GALNT3: variants seen among roughly 807,000 people sequenced by gnomAD.
GALNT3 encodes the protein GalNAc transferase 3.
A neutral mutation model predicts 69.8 loss-of-function variants in GALNT3; 51 were observed. That is an observed-to-expected ratio of 0.73 (90% CI 0.58 to 0.92). The LOEUF is 0.92. GALNT3 is among the 40% of genes least tolerant of loss of function. The probability of loss-of-function intolerance (pLI) is 0.00; values close to 1 mark genes in which losing one functional copy is unlikely to be tolerated. For missense variants in GALNT3, 711 were observed against 760.0 expected, an observed-to-expected ratio of 0.94 and a Z score of 0.76; for synonymous variants, 265 against 248.5, an observed-to-expected ratio of 1.07 and a Z score of -0.63.
Position 165,748,873 on chromosome 2 carries a change from T to C in GALNT3, c.1810A>G (p.Met604Val), listed in dbSNP as rs1250002728. 1 of 1,610,736 alleles carries C rather than the reference T, an allele frequency of 6.2e-7. No homozygotes were observed. The highest frequency in any genetic ancestry group is 8.5e-7 in the Non-Finnish European group (1 of 1,177,736). The change falls in exon 11 of 11, where the codon ATG becomes GTG. Residue 604 changes from methionine to valine, a missense_variant. Transcript: ENST00000392701. ...DQLLYNPFLK[M>V]CLSANGEHPS... ...TGCTCTCCATTTGCTGAAAGGCACATTTTTAAGAATGGATTGTATAGAAGT... is the reference window on the plus strand; with the variant it reads ...TGCTCTCCATTTGCTGAAAGGCACACTTTTAAGAATGGATTGTATAGAAGT...
intron 9 of GALNT3, 26 bp from the exon 10 acceptor site, chr2:165,749,920 G>C: frequency 6.2e-7 from 1 of 1,611,604 alleles, no homozygotes; most frequent in Non-Finnish European, 8.5e-7. Flanking sequence ...CACTGTTACT[G>C]ACAAAAGCAA....
chr2:165,770,440 C>T lies in GALNT3; in HGVS notation c.261G>A (p.Arg87=), dbSNP rs1688730412. The T allele has an allele frequency of 6.2e-7, 1 of 1,614,036 alleles. No homozygotes were observed. The highest frequency in any genetic ancestry group is 1.3e-5 in the African/African-American group (1 of 74,900). The part of the protein sequence containing the change: ...MPKMQIGAPV[R]QNIDAGERPC... Reference sequence around the variant, plus strand: ...GTCTCTCACCAGCATCAATGTTTTGCCTGACAGGTGCTCCTATTTGCATTT... The same window carrying T: ...GTCTCTCACCAGCATCAATGTTTTGTCTGACAGGTGCTCCTATTTGCATTT... Residue 87 remains arginine (R), a synonymous_variant, in exon 2 of 11, where the codon AGG becomes AGA. Coordinates refer to ENST00000392701, the MANE Select transcript of GALNT3 (RefSeq NM_004482.4).
rs150039125 is a variant in GALNT3, at chr2:165,747,889, C to A, written c.*892G>T. ...TGATGAAAAGAATCCATTACAAAGT[C>A]AAAAATCCATTACAATTATAATTGA... On this transcript the variant is annotated 3_prime_UTR_variant, in exon 11 of 11. Transcript: ENST00000392701. The A allele has an allele frequency of 5.8e-6, 1 of 172,990 alleles. No individual in the cohort carries two copies. The highest frequency in any genetic ancestry group is 2.4e-5 in the African/African-American group (1 of 42,174). The allele number at this position is 172,990 out of a possible 1,614,324, so 10.7% of individuals were successfully genotyped here.
At chr2:165,777,404 T>C (rs1026994809) in intron 1 of GALNT3, among the ~76,000 whole-genome samples, 1 of 152,228 alleles carries the variant, frequency 6.6e-6, no homozygotes, top group African/African-American at 2.4e-5. Context: ...ATCATCTGTA[T>C]TTCCTAATTG....
rs115946445 is a variant in GALNT3 at position 165,760,722 on chromosome 2, G to A, written c.839-1152C>T. 2.3e-3 allele frequency among the ~76,000 whole-genome samples: 350 copies of A among 152,166 alleles called. 3 individuals are homozygous for A. Among genetic ancestry groups the A allele is most frequent in the African/African-American group, 8.1e-3 (335 of 41,506 alleles). ...ATCCAAAAGCCCTTCTGTAATAATCGGTGTGTGCTCAAAACTAGTAATTGG... is the reference window on the plus strand; with the variant it reads ...ATCCAAAAGCCCTTCTGTAATAATCAGTGTGTGCTCAAAACTAGTAATTGG... On this transcript the variant is annotated intron_variant, in intron 4 of 10. Transcript: ENST00000392701.
At position 165,764,996 on chromosome 2, in the gene GALNT3, A is replaced by C; in HGVS notation, c.576T>G (p.Val192=). The change falls in exon 3 of 11, where the codon GTT becomes GTG. Residue 192 remains valine (V), a synonymous_variant. Transcript: ENST00000392701. Reference sequence around the variant, plus strand: ...ACGTGGACCACGCTTCATTATGAAAAACTATTATGACACTGGTGGTGGGCA... The same window carrying C: ...ACGTGGACCACGCTTCATTATGAAACACTATTATGACACTGGTGGTGGGCA... ...PPLPTTSVII[V]FHNEAWSTLL... 2 of 1,614,182 alleles carry C rather than the reference A, an allele frequency of 1.2e-6. No homozygotes were observed. Among genetic ancestry groups the C allele is most frequent in the Non-Finnish European group, 1.7e-6 (2 of 1,180,016 alleles).
intron 2 of GALNT3, among the ~76,000 whole-genome samples, chr2:165,767,924 A>G (rs1442390827): frequency 8.2e-6 from 1 of 122,274 alleles, no homozygotes; most frequent in Non-Finnish European, 1.6e-5. Flanking sequence ...ACCAGGCTGG[A>G]GTGCAATGGT....
intron 1 of GALNT3, among the ~76,000 whole-genome samples, chr2:165,783,381 C>T (rs1683152949): frequency 6.6e-6 from 1 of 152,140 alleles, no homozygotes; most frequent in Non-Finnish European, 1.5e-5. Context: ...TCCATTCATT[C>T]TTCCTTTGAG....
chr2:165,753,969 TCAC>T (rs915385162), intron 9 of GALNT3, among the ~76,000 whole-genome samples: 2 of 152,110 alleles, frequency 1.3e-5, no homozygotes, highest in African/African-American at 4.8e-5. Context: ...ACTTGCAAAA[TCAC>T]CATGCCAATA....
chr2:165,751,317 AT>A (rs1158054718), intron 9 of GALNT3, among the ~76,000 whole-genome samples: 1 of 152,122 alleles, frequency 6.6e-6, no homozygotes, highest in African/African-American at 2.4e-5. Flanking sequence ...AGAGCCATAT[AT>A]CTTGAGTTTC....
chr2:165,772,924 A>G (rs1688778800), intron 1 of GALNT3, among the ~76,000 whole-genome samples: 1 of 152,308 alleles, frequency 6.6e-6, no homozygotes, highest in South Asian at 2.1e-4. Flanking sequence ...TGGAATGGAG[A>G]GGACTGTTTT....
At chr2:165,759,664 CAG>C (rs1573999880) in intron 4 of GALNT3, 94 bp from the exon 5 acceptor site, 1 of 892,298 alleles carries the variant, frequency 1.1e-6, no homozygotes, top group East Asian at 2.6e-5. Flanking sequence ...ATGAGAATAA[CAG>C]AGTCAATTTG....
rs1223232344 is a variant in GALNT3, at chr2:165,749,888, CA to C, written c.1632del (p.Phe544LeufsTer28). ...TCHGLGGNQY[F>X]EYSAQHEIRH... Reference sequence around the variant, plus strand: ...CGAATTTCATGTTGAGCAGAGTATTCAAAGTACTATGGAAGGAATAGCACTG... The same window carrying C: ...CGAATTTCATGTTGAGCAGAGTATTCAAGTACTATGGAAGGAATAGCACTG... On this transcript the variant is annotated frameshift_variant, in exon 10 of 11. Coordinates refer to ENST00000392701, the MANE Select transcript of GALNT3 (RefSeq NM_004482.4). LOFTEE classifies it high-confidence loss of function. The C allele has an allele frequency of 6.2e-7, 1 of 1,613,398 alleles. No homozygotes were observed. Among genetic ancestry groups the C allele is most frequent in the South Asian group, 1.1e-5 (1 of 91,058 alleles).
chr2:165,753,556 T>A (rs1409766449), intron 9 of GALNT3, among the ~76,000 whole-genome samples: 2 of 152,104 alleles, frequency 1.3e-5, no homozygotes, highest in Non-Finnish European at 2.9e-5. Flanking sequence ...GGAGTTAGAG[T>A]CTAAATAGCT....
Position 165,782,257 on chromosome 2 carries a change from C to T in GALNT3, c.-108-11449G>A, listed in dbSNP as rs1365583062. 2.0e-5 allele frequency among the ~76,000 whole-genome samples: 3 copies of T among 152,208 alleles called. No homozygotes were observed. The East Asian group carries it at 5.8e-4, about 29-fold the overall frequency. On this transcript the variant is annotated intron_variant, in intron 1 of 10. Transcript: ENST00000392701. ...TACTCAGCTCTCCTATCACATGGTCCTCTCTCTATGGGTTAGCAGGGGTGT... is the reference window on the plus strand; with the variant it reads ...TACTCAGCTCTCCTATCACATGGTCTTCTCTCTATGGGTTAGCAGGGGTGT...
Position 165,770,684 on chromosome 2 carries a change from C to A in GALNT3, c.17G>T (p.Arg6Leu). The A allele has an allele frequency of 6.2e-7, 1 of 1,603,632 alleles. No individual in the cohort carries two copies. Among genetic ancestry groups the A allele is most frequent in the South Asian group, 1.1e-5 (1 of 89,966 alleles). The change falls in exon 2 of 11, where the codon CGA (arginine) becomes CTA (leucine). Residue 6 changes from arginine (R) to leucine (L), a missense_variant. Transcript: ENST00000392701. The part of the protein sequence containing the change: MAHLK[R>L]LVKLHIKRHY... Reference sequence around the variant, plus strand: ...TCTTTTAATGTGTAATTTTACTAGTCGCTTTAGGTGAGCCATTCTGACATT... The same window carrying A: ...TCTTTTAATGTGTAATTTTACTAGTAGCTTTAGGTGAGCCATTCTGACATT...
chr2:165,789,661 G>A (rs115399031), intron 1 of GALNT3, among the ~76,000 whole-genome samples: 2,845 of 151,502 alleles, frequency 0.019, 31 homozygotes, highest in Non-Finnish European at 0.03. Context: ...TTGAGTCCAG[G>A]AGTTCAAGAT....
At chr2:165,749,182 C>T (rs1050062625) in intron 10 of GALNT3, among the ~76,000 whole-genome samples, 7 of 152,048 alleles carry the variant, frequency 4.6e-5, no homozygotes, top group African/African-American at 1.7e-4. Context: ...CCATAAGTGA[C>T]AAACTCTTAA....
chr2:165,759,076 G>A (rs1314611515), intron 5 of GALNT3, among the ~76,000 whole-genome samples: 1 of 152,168 alleles, frequency 6.6e-6, no homozygotes, highest in Non-Finnish European at 1.5e-5. Context: ...AAACTTAAAT[G>A]TCTTCTCCTA....
Sources: gnomAD v4.1 joint callset for allele counts (sites outside exome capture counted in the v4.1 genomes callset) on GRCh38, gnomAD v4.1.1 for gene constraint, MANE v1.5 for transcripts, NCBI Gene and HGNC (gene_info 2026-07-23, HGNC 2026-07-21) for gene names.